PCDHA2: variants seen among roughly 807,000 people sequenced by gnomAD.
PCDHA2 encodes the protein protocadherin alpha-2.
PCDHA2 carries 58 observed loss-of-function variants against 66.0 expected under a neutral mutation model. That is an observed-to-expected ratio of 0.88 (90% CI 0.71 to 1.09). PCDHA2 has a LOEUF of 1.09. PCDHA2 is among the 50% of genes least tolerant of loss of function. PCDHA2 has a pLI of 0.00. For synonymous variants in PCDHA2, 634 were observed against 554.0 expected (o/e 1.14, Z -2.03); for missense variants, 1,267 against 1,242.3 (o/e 1.02, Z -0.30).
At chr5:140,932,309 ATATAT>A (rs1441363335) in intron 1 of PCDHA2, among the ~76,000 whole-genome samples, 6 of 151,956 alleles carry the variant, frequency 3.9e-5, no homozygotes, top group Non-Finnish European at 8.8e-5. Context: ...AAAGGTATAA[ATATAT>A]TAATGTAGCA....
intron 3 of PCDHA2, among the ~76,000 whole-genome samples, chr5:140,988,630 G>A (rs184253041): frequency 3.1e-4 from 47 of 152,192 alleles, no homozygotes; most frequent in African/African-American, 1.1e-3. Context: ...AGATGTCCTG[G>A]TTTTCTGAAA....
At chr5:140,958,530 A>G (rs1283308982) in intron 1 of PCDHA2, among the ~76,000 whole-genome samples, 1 of 152,188 alleles carries the variant, frequency 6.6e-6, no homozygotes, top group East Asian at 1.9e-4. Flanking sequence ...TACTATGTGT[A>G]CATTGATTTA....
At position 140,834,409 on chromosome 5, in the gene PCDHA2, C is replaced by G. The variant is rs2150217049; in HGVS notation, c.2388+37057C>G. The stretch of plus-strand genomic sequence containing the variant: ...ATGGTGTGCCCGAATGGATACGACC[C>G]AGGGGGCCGACATCTACTGCTGTTT... On this transcript the variant is annotated intron_variant, in intron 1 of 3. Transcript: ENST00000526136. 4.8e-5 allele frequency: 78 copies of G among 1,610,292 alleles called. 1 individual carries two copies. The highest frequency in any genetic ancestry group is 5.9e-5 in the Non-Finnish European group (70 of 1,177,780).
intron 1 of PCDHA2, chr5:140,876,161 T>C (rs1582262337): frequency 6.2e-7 from 1 of 1,613,960 alleles, no homozygotes; most frequent in Non-Finnish European, 8.5e-7. Flanking sequence ...CAGATTCAAA[T>C]AACCGTCCTG....
In PCDHA2 at chr5:140,807,332, G is replaced by T. The variant is rs782649273; in HGVS notation, c.2388+9980G>T. Reference sequence around the variant, plus strand: ...ACACGGCACCTTCGTGGGCCGCATCGCGCAGGACCTGGGACTGGAGCTGGC... The same window carrying T: ...ACACGGCACCTTCGTGGGCCGCATCTCGCAGGACCTGGGACTGGAGCTGGC... On this transcript the variant is annotated intron_variant, in intron 1 of 3. Transcript: ENST00000526136. The T allele has an allele frequency of 1.5e-5, 24 of 1,613,480 alleles. No homozygotes were observed. In the African/African-American group the frequency reaches 2.9e-4, roughly 20 times the overall value.
chr5:140,860,713 A>G (rs2046537417), intron 1 of PCDHA2: 1 of 152,204 alleles, frequency 6.6e-6, no homozygotes, highest in Non-Finnish European at 1.5e-5. Context: ...GTTCTCCATG[A>G]AAAGTTTTTT....
intron 1 of PCDHA2, chr5:140,856,261 G>C (rs782582964): frequency 6.3e-7 from 1 of 1,598,154 alleles, no homozygotes. Context: ...AAAGACACGG[G>C]GACCTTCTGG....
chr5:140,853,419 G>A lies in PCDHA2; in HGVS notation c.2388+56067G>A, dbSNP rs2150531537. The A allele has an allele frequency of 1.0e-5, 10 of 986,026 alleles. No individual in the cohort carries two copies. The East Asian group carries it at 1.1e-3, about 112-fold the overall frequency. 61.1% of individuals were successfully genotyped at this position (986,026 alleles called of 1,614,324 possible). On this transcript the variant is annotated intron_variant, in intron 1 of 3. Coordinates refer to ENST00000526136, the MANE Select transcript of PCDHA2 (RefSeq NM_018905.3). ...AGTTCAAAACAGAGAGGTGAAAGCA[G>A]AAGAGACACTTTCCTATTTTGCCTA... is the stretch of plus-strand genomic sequence containing the variant.
In PCDHA2 at chr5:140,857,548, G is replaced by C. The variant is rs782667639; in HGVS notation, c.2388+60196G>C. Reference sequence around the variant, plus strand: ...CTCTGGTGGAGCGGCGGTTGGGCGAGCGCTCGCTGTCGAGCTACGTGTCGG... The same window carrying C: ...CTCTGGTGGAGCGGCGGTTGGGCGACCGCTCGCTGTCGAGCTACGTGTCGG... On this transcript the variant is annotated intron_variant, in intron 1 of 3. Coordinates refer to ENST00000526136, the MANE Select transcript of PCDHA2 (RefSeq NM_018905.3). The C allele has an allele frequency of 5.1e-5, 81 of 1,596,888 alleles. 3 individuals are homozygous for C. In the Middle Eastern group the frequency reaches 9.5e-4, roughly 19 times the overall value.
At chr5:140,802,242 GAGTT>G (rs1554121969) in intron 1 of PCDHA2, 2 of 1,614,230 alleles carry the variant, frequency 1.2e-6, no homozygotes, top group Non-Finnish European at 1.7e-6. Flanking sequence ...TAATGTACCT[GAGTT>G]AGTTATTCAA....
intron 1 of PCDHA2, among the ~76,000 whole-genome samples, chr5:140,911,285 G>C (rs1292114305): frequency 6.6e-6 from 1 of 152,078 alleles, no homozygotes; most frequent in Non-Finnish European, 1.5e-5. Flanking sequence ...GCTTCATCAG[G>C]GTCCTTTTAC....
intron 1 of PCDHA2, among the ~76,000 whole-genome samples, chr5:140,887,340 CCT>C (rs1554183026): frequency 1.3e-5 from 2 of 152,144 alleles, no homozygotes; most frequent in African/African-American, 4.8e-5. Flanking sequence ...TCGTGATCCA[CCT>C]GGCTCGGCCT....
Position 140,925,879 on chromosome 5 carries a change from C to A in PCDHA2, c.2389-53070C>A, listed in dbSNP as rs138501139. Reference sequence around the variant, plus strand: ...GTTATTGCTATTGACTGGTTTATAACCTCCTCTTTCACCCAGATCGTCAAG... The same window carrying A: ...GTTATTGCTATTGACTGGTTTATAAACTCCTCTTTCACCCAGATCGTCAAG... On this transcript the variant is annotated intron_variant, in intron 1 of 3. Coordinates refer to ENST00000526136, the MANE Select transcript of PCDHA2 (RefSeq NM_018905.3). Among the ~76,000 whole-genome samples, 60 of 152,212 alleles carry A rather than the reference C, an allele frequency of 3.9e-4. No individual in the cohort carries two copies. In the East Asian group the frequency reaches 7.4e-3, roughly 19 times the overall value.
intron 1 of PCDHA2, among the ~76,000 whole-genome samples, chr5:140,931,665 T>C (rs2087667345): frequency 6.6e-6 from 1 of 151,998 alleles, no homozygotes. Flanking sequence ...GGCTGGATAT[T>C]TCCTTATAAA....
intron 1 of PCDHA2, chr5:140,801,625 C>A (rs1554121583): frequency 6.2e-7 from 1 of 1,614,074 alleles, no homozygotes; most frequent in Non-Finnish European, 8.5e-7. Context: ...CTGTTTATTT[C>A]CGAATCCCGA....
Position 140,850,211 on chromosome 5 carries a change from C to A in PCDHA2, c.2388+52859C>A, listed in dbSNP as rs2150473492. The stretch of plus-strand genomic sequence containing the variant: ...CGCTGCTGACACCTCGGATGAGGGG[C>A]ACTGACGGCGCAGTGAGCGAGATGG... On this transcript the variant is annotated intron_variant, in intron 1 of 3. Coordinates refer to ENST00000526136, the MANE Select transcript of PCDHA2 (RefSeq NM_018905.3). The A allele has an allele frequency of 5.0e-6, 8 of 1,593,540 alleles. 1 individual carries two copies. Among genetic ancestry groups the A allele is most frequent in the Non-Finnish European group, 6.0e-6 (7 of 1,167,626 alleles).
At chr5:140,828,799 T>A in intron 1 of PCDHA2, 1 of 1,614,228 alleles carries the variant, frequency 6.2e-7, no homozygotes, top group Non-Finnish European at 8.5e-7. Flanking sequence ...TGGATGTGAA[T>A]GATAATGCTC....
chr5:140,912,260 C>T (rs1451576363), intron 1 of PCDHA2, among the ~76,000 whole-genome samples: 2 of 152,160 alleles, frequency 1.3e-5, no homozygotes, highest in African/African-American at 4.8e-5. Context: ...TTTGATGACA[C>T]CCTCACAGAT....
At chr5:140,881,185 A>G (rs893291095) in intron 1 of PCDHA2, 7 of 166,796 alleles carry the variant, frequency 4.2e-5, no homozygotes, top group African/African-American at 1.7e-4. Flanking sequence ...CTTGCTAAAG[A>G]TATGTTAACA....
Sources: allele counts gnomAD v4.1 joint callset (sites outside exome capture counted in the v4.1 genomes callset), GRCh38; gene constraint gnomAD v4.1.1; transcripts MANE v1.5; gene names NCBI Gene and HGNC (gene_info 2026-07-23, HGNC 2026-07-21).